CCZ1B: variants seen among roughly 807,000 people sequenced by gnomAD.
CCZ1B encodes vacuolar fusion protein CCZ1 homolog B.
In CCZ1B, 25 loss-of-function variants were observed where a neutral mutation model predicts 58.8. That is an observed-to-expected ratio of 0.43 (90% CI 0.31 to 0.59). CCZ1B has a LOEUF of 0.59. Among genes scored for constraint, CCZ1B ranks in the 20% least tolerant of loss-of-function variants. The pLI is 0.12. For missense variants in CCZ1B, 180 were observed against 501.5 expected (o/e 0.36, Z 6.12); for synonymous variants, 66 against 173.2 (o/e 0.38, Z 4.86).
chr7:6,806,309 A>C, intron 10 of CCZ1B: 1 of 233,416 alleles, frequency 4.3e-6, no homozygotes, highest in Non-Finnish European at 7.1e-6. Context: ...TGATGACTTA[A>C]AATGCTCTTG....
At chr7:6,820,135 T>G (rs926463208) in intron 6 of CCZ1B, among the ~76,000 whole-genome samples, 194 bp from the exon 7 acceptor site, 1 of 110,798 alleles carries the variant, frequency 9.0e-6, no homozygotes, top group Non-Finnish European at 1.9e-5. Context: ...AGATACAAAG[T>G]TCAAACTATC....
Position 6,822,805 on chromosome 7 carries a change from G to A in CCZ1B, c.439-441C>T, listed in dbSNP as rs951797970. 2.7e-4 allele frequency among the ~76,000 whole-genome samples: 38 copies of A among 142,358 alleles called. 1 individual carries two copies. Among genetic ancestry groups the A allele is most frequent in the South Asian group, 1.9e-3 (8 of 4,274 alleles). The allele number at this position is 142,358 out of a possible 152,430, so 93.4% of individuals were successfully genotyped here. On this transcript the variant is annotated intron_variant, in intron 5 of 14. Transcript: ENST00000316731. ...CAGCCTCGACCTCCAAGGTGCGAGC[G>A]ATCCTCCCACCTCAGCCTCCCAGGT...
intron 7 of CCZ1B, among the ~76,000 whole-genome samples, chr7:6,818,593 C>CAGAAAGAA (rs796919882): frequency 9.4e-6 from 1 of 105,826 alleles, no homozygotes; most frequent in Non-Finnish European, 1.9e-5. Context: ...GAAAGACAGA[C>CAGAAAGAA]AGAAAGAAAG....
chr7:6,808,614 TTA>T (rs1230744259), intron 10 of CCZ1B, among the ~76,000 whole-genome samples: 2 of 149,476 alleles, frequency 1.3e-5, no homozygotes, highest in Non-Finnish European at 3.0e-5. Context: ...ATGGTTTCTG[TTA>T]TGTGAGGGAC....
intron 3 of CCZ1B, 60 bp from the exon 4 acceptor site, chr7:6,824,226 C>G: frequency 6.5e-7 from 1 of 1,535,762 alleles, no homozygotes; most frequent in Non-Finnish European, 8.7e-7. Context: ...TTTATTTTGC[C>G]TTAATTTAAA....
At chr7:6,820,067 A>G (rs983102777) in intron 6 of CCZ1B, 126 bp from the exon 7 acceptor site, 2 of 1,355,232 alleles carry the variant, frequency 1.5e-6, no homozygotes, top group Non-Finnish European at 2.1e-6. Flanking sequence ...CAAACAGCAC[A>G]ACAATGAGGC....
rs1354245873 is a variant in CCZ1B, at chr7:6,814,101, A to G, written c.780+663T>C. On this transcript the variant is annotated intron_variant, in intron 8 of 14. Coordinates refer to ENST00000316731, the MANE Select transcript of CCZ1B (RefSeq NM_198097.5). ...GCGGAAGTTGCAGTGAGCTGAGATTAAACCACTGCACTCCAGCCTGGGCGA... is the reference window on the plus strand; with the variant it reads ...GCGGAAGTTGCAGTGAGCTGAGATTGAACCACTGCACTCCAGCCTGGGCGA... 4.0e-5 allele frequency among the ~76,000 whole-genome samples: 6 copies of G among 148,726 alleles called. 1 individual carries two copies. The highest frequency in any genetic ancestry group is 5.9e-5 in the Non-Finnish European group (4 of 67,510).
chr7:6,811,843 A>G (rs1429583082), intron 10 of CCZ1B, 109 bp downstream of exon 10: 8 of 761,514 alleles, frequency 1.1e-5, no homozygotes, highest in Non-Finnish European at 1.7e-5. Context: ...AGAACTTCCA[A>G]TATCTTTTCC....
At chr7:6,813,865 G>A (rs374996970) in intron 8 of CCZ1B, among the ~76,000 whole-genome samples, 1 of 148,660 alleles carries the variant, frequency 6.7e-6, no homozygotes, top group Non-Finnish European at 1.5e-5. Flanking sequence ...AATTTTTTTG[G>A]CCAGGAGCAG....
At chr7:6,823,216 T>C in intron 5 of CCZ1B, 97 bp downstream of exon 5, 1 of 1,510,672 alleles carries the variant, frequency 6.6e-7, no homozygotes, top group Non-Finnish European at 9.0e-7. Context: ...ACAGAGTCAC[T>C]TTGCAGTCAT....
At chr7:6,824,591 GC>G in intron 2 of CCZ1B, 43 bp from the exon 3 acceptor site, 1 of 1,612,308 alleles carries the variant, frequency 6.2e-7, no homozygotes, top group Non-Finnish European at 8.5e-7. Flanking sequence ...TTCTCCAGCA[GC>G]AGTTTTAAGA....
intron 4 of CCZ1B, 124 bp from the exon 5 acceptor site, chr7:6,823,484 T>C (rs1426764222): frequency 5.2e-6 from 7 of 1,343,128 alleles, no homozygotes; most frequent in South Asian, 3.3e-5. Context: ...CATCCCACAA[T>C]AGTTGCGTGC....
At chr7:6,812,855 A>C in intron 9 of CCZ1B, 121 bp downstream of exon 9, 1 of 1,540,248 alleles carries the variant, frequency 6.5e-7, no homozygotes, top group Admixed American at 2.0e-5. Context: ...GAGCCCGGGG[A>C]GGCAGAGGTT....
At position 6,811,960 on chromosome 7, in the gene CCZ1B, C is replaced by T. The variant is rs372795611; in HGVS notation, c.946G>A (p.Val316Ile). The change falls in exon 10 of 15, where the codon GTT (valine) becomes ATT (isoleucine). Residue 316 changes from valine (V) to isoleucine (I), a missense_variant. By Grantham distance (29) the Val-to-Ile change is conservative (BLOSUM62 3). Transcript: ENST00000316731. ...DDTYEELHLI[V>I]YKAMSAAVCF... ...AGGAAAACAGTTGTTACCTTATAAA[C>T]GATTAAATGGAGCTCTTCATAAGTG... 6.5e-5 allele frequency: 103 copies of T among 1,581,784 alleles called. 3 individuals are homozygous for T. The highest frequency in any genetic ancestry group is 8.2e-5 in the Non-Finnish European group (95 of 1,164,104).
intron 10 of CCZ1B, among the ~76,000 whole-genome samples, chr7:6,807,931 A>C (rs1230806988): frequency 1.1e-5 from 1 of 87,854 alleles, no homozygotes; most frequent in East Asian, 3.1e-4. Context: ...AAAATTTGCC[A>C]CAAAGAAAAG....
At chr7:6,815,153 TAAAA>T (rs1193352713) in intron 7 of CCZ1B, among the ~76,000 whole-genome samples, 1 of 141,294 alleles carries the variant, frequency 7.1e-6, no homozygotes. Context: ...CATTTTTTAT[TAAAA>T]AAAAATTTTT....
intron 7 of CCZ1B, among the ~76,000 whole-genome samples, 192 bp from the exon 8 acceptor site, chr7:6,815,037 G>A (rs1382818844): frequency 6.7e-6 from 1 of 148,360 alleles, no homozygotes; most frequent in African/African-American, 2.6e-5. Flanking sequence ...AGATCAAAAT[G>A]AGTTTCCTTT....
chr7:6,814,490 C>G (rs914251251), intron 8 of CCZ1B, among the ~76,000 whole-genome samples: 2 of 149,738 alleles, frequency 1.3e-5, no homozygotes, highest in Non-Finnish European at 3.0e-5. Flanking sequence ...TTCGAGACTC[C>G]GTCTCAAAAA....
chr7:6,813,038 C>G lies in CCZ1B; in HGVS notation c.781-1G>C. On this transcript the variant is annotated splice_acceptor_variant, in intron 8 of 14. Coordinates refer to ENST00000316731, the MANE Select transcript of CCZ1B (RefSeq NM_198097.5). LOFTEE classifies it high-confidence loss of function. Reference sequence around the variant, plus strand: ...TTATTGGAGAATCCCTTCCTGCTAACTGCAAATACATTTAATGTTGAGAAT... The same window carrying G: ...TTATTGGAGAATCCCTTCCTGCTAAGTGCAAATACATTTAATGTTGAGAAT... The G allele has an allele frequency of 6.4e-7, 1 of 1,563,894 alleles. No individual in the cohort carries two copies. Among genetic ancestry groups the G allele is most frequent in the Non-Finnish European group, 8.7e-7 (1 of 1,147,510 alleles).
Sources: allele counts gnomAD v4.1 joint callset (sites outside exome capture counted in the v4.1 genomes callset), GRCh38; gene constraint gnomAD v4.1.1; transcripts MANE v1.5; gene names NCBI Gene and HGNC (gene_info 2026-07-23, HGNC 2026-07-21).